The following PLEKHM2 variants were observed in gnomAD, a reference collection of about 807,000 sequenced individuals.
PLEKHM2 encodes pleckstrin homology and RUN domain containing M2, also known as pleckstrin homology domain-containing family M member 2.
Under a neutral mutation model 116.3 loss-of-function variants are expected in PLEKHM2, and 77 were observed. The observed-to-expected ratio is 0.66, with a 90% confidence interval of 0.55 to 0.80. PLEKHM2 has a LOEUF of 0.80. Ranked by LOEUF, PLEKHM2 falls within the 30% of genes least tolerant of loss-of-function variation. PLEKHM2 has a pLI of 0.00. For synonymous variants in PLEKHM2, 562 were observed against 571.0 expected (o/e 0.98, Z 0.22); for missense variants, 1,183 against 1,354.9 (o/e 0.87, Z 1.99).
chr1:15,682,898 GAACT>G, upstream of PLEKHM2: 2 of 152,222 alleles, frequency 1.3e-5, no homozygotes, highest in Non-Finnish European at 2.9e-5. Context: ...ATTTATTTGG[GAACT>G]TAAGGAGGGA....
chr1:15,703,055 G>A (rs920084664), intron 1 of PLEKHM2, among the ~76,000 whole-genome samples: 1 of 152,156 alleles, frequency 6.6e-6, no homozygotes, highest in African/African-American at 2.4e-5. Flanking sequence ...TTCTGTTTTT[G>A]GATTTCCACC....
At chr1:15,696,083 G>A (rs1224873264) in intron 1 of PLEKHM2, among the ~76,000 whole-genome samples, 1 of 151,884 alleles carries the variant, frequency 6.6e-6, no homozygotes, top group Non-Finnish European at 1.5e-5. Context: ...CAAAGTGCTG[G>A]GATTACAGGC....
rs577487597 is a variant in PLEKHM2, at chr1:15,718,411, A to T, written c.378-127A>T. 2.0e-5 allele frequency: 13 copies of T among 663,570 alleles called. No individual in the cohort carries two copies. The South Asian group carries it at 2.2e-4, about 11-fold the overall frequency. 41.1% of individuals were successfully genotyped at this position (663,570 alleles called of 1,614,324 possible). A position where few individuals can be genotyped will look rare whatever the true frequency, so the allele number is the denominator to read the frequency against. The stretch of plus-strand genomic sequence containing the variant: ...GAGGGTGGTGGGCAACAGCTATATC[A>T]AGCTGGGTGCCGTCCAAGGTGGAGG... On this transcript the variant is annotated intron_variant, in intron 4 of 19. Coordinates refer to ENST00000375799, the MANE Select transcript of PLEKHM2 (RefSeq NM_015164.4).
chr1:15,697,261 T>C (rs1009611002), intron 1 of PLEKHM2, among the ~76,000 whole-genome samples: 1 of 152,204 alleles, frequency 6.6e-6, no homozygotes, highest in Non-Finnish European at 1.5e-5. Context: ...AGTAGAAGAA[T>C]GGAGTAGAAT....
intron 6 of PLEKHM2, chr1:15,720,275 C>A: frequency 1.1e-6 from 1 of 924,750 alleles, no homozygotes; most frequent in Non-Finnish European, 1.3e-6. Flanking sequence ...TTGAGTGTTG[C>A]CTGTTCTGGG....
chr1:15,683,806 C>CT (rs1327769246), upstream of PLEKHM2, among the ~76,000 whole-genome samples: 1 of 138,718 alleles, frequency 7.2e-6, no homozygotes, highest in Non-Finnish European at 1.6e-5. Context: ...GGGGGAGGGT[C>CT]TCCAGGGTCT....
chr1:15,730,482 C>T, intron 14 of PLEKHM2, 50 bp from the exon 15 acceptor site: 2 of 1,424,890 alleles, frequency 1.4e-6, no homozygotes, highest in African/African-American at 2.9e-5. Flanking sequence ...CAGCCACCTG[C>T]CTGGCCCAGG....
intron 1 of PLEKHM2, among the ~76,000 whole-genome samples, chr1:15,693,747 C>A (rs1029121749): frequency 6.6e-6 from 1 of 152,222 alleles, no homozygotes; most frequent in South Asian, 2.1e-4. Context: ...TGCCAGCTGA[C>A]ACAAATGTTA....
At position 15,729,437 on chromosome 1, in the gene PLEKHM2, G is replaced by A. The variant is rs1259615478; in HGVS notation, c.2075+247G>A. On this transcript the variant is annotated intron_variant, in intron 13 of 19. Transcript: ENST00000375799. The surrounding 1 kb of genome is among the most constrained non-coding windows in gnomAD (Gnocchi z 4.7). ...CTTGGGGGTGCTAGCATGAGTTGTT[G>A]GACAGGAAGGCAGGCAGAGAGCCAT... 6.6e-6 allele frequency among the ~76,000 whole-genome samples: 1 copy of A among 152,146 alleles called. No homozygotes were observed. Among genetic ancestry groups the A allele is most frequent in the African/African-American group, 2.4e-5 (1 of 41,430 alleles).
intron 1 of PLEKHM2, among the ~76,000 whole-genome samples, chr1:15,694,806 G>C (rs534351439): frequency 6.5e-4 from 98 of 150,968 alleles, no homozygotes; most frequent in African/African-American, 2.3e-3. Context: ...TGCCCAGGCT[G>C]GAGGGCAGTG....
At chr1:15,699,552 A>G (rs1406757377) in intron 1 of PLEKHM2, among the ~76,000 whole-genome samples, 1 of 152,188 alleles carries the variant, frequency 6.6e-6, no homozygotes, top group Non-Finnish European at 1.5e-5. Flanking sequence ...ATAGTATTCC[A>G]TGGTGTATAT....
chr1:15,718,792 A>G (rs921452685), intron 5 of PLEKHM2, among the ~76,000 whole-genome samples, 167 bp downstream of exon 5: 8 of 152,186 alleles, frequency 5.3e-5, no homozygotes, highest in South Asian at 2.1e-4. Context: ...TTCAGGGTCC[A>G]TCGAATTGAG....
At position 15,727,765 on chromosome 1, in the gene PLEKHM2, G is replaced by T. The variant is rs990310402; in HGVS notation, c.1693G>T (p.Ala565Ser). ...RDQPSPCLSS[A>S]EDSGVDEGQG... is the part of the protein sequence containing the mutation. ...CCAGCCCAGCCCGTGTCTGAGTAGC[G>T]CTGAGGATTCTGGGGTGGATGAGGG... is the stretch of plus-strand genomic sequence containing the variant. Residue 565 changes from alanine to serine, a missense_variant, in exon 9 of 20, where the codon GCT becomes TCT. By Grantham distance (99) the Ala-to-Ser change is moderately conservative. This residue lies in a region of PLEKHM2 where 594 missense variants were observed against 720.1 expected (regional missense o/e 0.82). Transcript: ENST00000375799. The surrounding 1 kb of genome is among the most constrained non-coding windows in gnomAD (Gnocchi z 7.5). The T allele has an allele frequency of 2.5e-6, 4 of 1,604,972 alleles. No homozygotes were observed. The highest frequency in any genetic ancestry group is 1.3e-5 in the African/African-American group (1 of 74,768).
rs534045338 is a variant in PLEKHM2 at position 15,731,250 on chromosome 1, A to C, written c.2458A>C (p.Asn820His). The change falls in exon 16 of 20, where the codon AAC (asparagine) becomes CAC (histidine). Residue 820 changes from asparagine to histidine, a missense_variant. Asn to His is a moderately conservative substitution (Grantham distance 68). Around this residue, in one of 3 missense-constraint regions of PLEKHM2, gnomAD observed 594 missense variants for 720.1 expected, o/e 0.82. Coordinates refer to ENST00000375799, the MANE Select transcript of PLEKHM2 (RefSeq NM_015164.4). ...CGACGTCATCCCTCTGCTCTCGGTG[A>C]ACATGGGGTAAGTGTCCCGGGAGAA... ...RTDVIPLLSV[N>H]MGGEQCGGCR... 3.6e-5 allele frequency: 57 copies of C among 1,587,214 alleles called. No homozygotes were observed. Among genetic ancestry groups the C allele is most frequent in the Middle Eastern group, 3.3e-4 (2 of 6,026 alleles).
chr1:15,732,202 TCA>T (rs1491308480), intron 17 of PLEKHM2, 146 bp from the exon 18 acceptor site: 1 of 917,284 alleles, frequency 1.1e-6, no homozygotes, highest in Non-Finnish European at 1.6e-6. Flanking sequence ...CTCAGAGGCA[TCA>T]CCCCCATCCC....
chr1:15,726,675 A>G (rs1571065300), intron 8 of PLEKHM2, among the ~76,000 whole-genome samples: 1 of 152,190 alleles, frequency 6.6e-6, no homozygotes, highest in Non-Finnish European at 1.5e-5. Context: ...GCATTGCCTG[A>G]CCAGCCATGG....
At chr1:15,716,622 C>A in intron 2 of PLEKHM2, 85 bp from the exon 3 acceptor site, 3 of 1,394,000 alleles carry the variant, frequency 2.2e-6, no homozygotes, top group Non-Finnish European at 3.0e-6. Flanking sequence ...CACTTCCTGC[C>A]TTGCGCTCAC....
rs763585907 is a variant in PLEKHM2, at chr1:15,733,874, C to T, written c.3000C>T (p.Ser1000=). The T allele has an allele frequency of 8.1e-6, 13 of 1,612,994 alleles. 1 individual carries two copies. Among genetic ancestry groups the T allele is most frequent in the Middle Eastern group, 3.3e-4 (2 of 6,062 alleles). The change falls in exon 20 of 20, where the codon AGC becomes AGT. Residue 1000 remains serine (S), a synonymous_variant. Coordinates refer to ENST00000375799, the MANE Select transcript of PLEKHM2 (RefSeq NM_015164.4). ...AGGATGCCTTGAGCCTCATCCACAG[C>T]GCCTGGCAGCGGAGCGACAGTCTCT... ...KFEDALSLIH[S]AWQRSDSLCR...
At chr1:15,707,104 CAA>C (rs35371488) in intron 1 of PLEKHM2, among the ~76,000 whole-genome samples, 4,044 of 144,498 alleles carry the variant, frequency 0.028, 194 homozygotes, top group African/African-American at 0.094. Context: ...AACTCCGTCT[CAA>C]AAAAAAAAAA....
Sources: gnomAD v4.1 joint callset for allele counts (sites outside exome capture counted in the v4.1 genomes callset) on GRCh38, gnomAD v4.1.1 for gene constraint, gnomAD v4.1.1 regional missense constraint, Gnocchi (gnomAD v3.1) non-coding constraint, MANE v1.5 for transcripts, NCBI Gene and HGNC (gene_info 2026-07-23, HGNC 2026-07-21) for gene names.